Variants in AJAP1 observed in about 807,000 individuals in gnomAD.
AJAP1 encodes adherens junction-associated protein 1.
A neutral mutation model predicts 35.0 loss-of-function variants in AJAP1; 5 were observed. The observed-to-expected ratio is 0.14, with a 90% CI of 0.07 to 0.30. AJAP1 has a LOEUF of 0.30. AJAP1 is among the 10% of genes least tolerant of loss of function. The pLI, the probability that AJAP1 is intolerant of heterozygous loss-of-function variation, is 1.00. For missense variants in AJAP1, 586 were observed against 571.0 expected (o/e 1.03, Z -0.27); for synonymous variants, 284 against 249.3 (o/e 1.14, Z -1.31).
intron 2 of AJAP1, among the ~76,000 whole-genome samples, chr1:4,752,911 C>A (rs192453900): frequency 2.6e-5 from 4 of 152,208 alleles, no homozygotes; most frequent in African/African-American, 9.7e-5. Flanking sequence ...CTGTTTTGCT[C>A]ACACCTCCTC....
Position 4,712,150 on chromosome 1 carries a change from C to A in AJAP1, c.280C>A (p.Gln94Lys), listed in dbSNP as rs1640263921. The A allele has an allele frequency of 1.9e-6, 3 of 1,563,870 alleles. No individual in the cohort carries two copies. The highest frequency in any genetic ancestry group is 2.6e-6 in the Non-Finnish European group (3 of 1,160,972). ...PRVERIHGQM[Q>K]MPRARRAHRP... Reference sequence around the variant, plus strand: ...AGTGGAGCGGATCCACGGGCAGATGCAGATGCCTCGAGCCAGACGGGCCCA... The same window carrying A: ...AGTGGAGCGGATCCACGGGCAGATGAAGATGCCTCGAGCCAGACGGGCCCA... Residue 94 changes from glutamine to lysine, a missense_variant, in exon 2 of 6, where the codon CAG becomes AAG. Gln to Lys is a moderately conservative substitution (Grantham distance 53). Transcript: ENST00000378191.
intron 2 of AJAP1, 54 bp from the exon 3 acceptor site, chr1:4,769,799 C>T (rs369150387): frequency 1.4e-4 from 212 of 1,496,358 alleles, no homozygotes; most frequent in Middle Eastern, 5.1e-4. Context: ...CGGCCCCCCT[C>T]GCCTCCTGAA....
chr1:4,672,986 G>A lies in AJAP1; in HGVS notation c.29+17532G>A, dbSNP rs181426968. ...TTAAAAAGGATCAACACAGCATCATGGCTGGCTTGAAGATGAAGGAGTGCT... is the reference window on the plus strand; with the variant it reads ...TTAAAAAGGATCAACACAGCATCATAGCTGGCTTGAAGATGAAGGAGTGCT... On this transcript the variant is annotated intron_variant, in intron 1 of 5. Coordinates refer to ENST00000378191, the MANE Select transcript of AJAP1 (RefSeq NM_018836.4). Among the ~76,000 whole-genome samples the A allele has an allele frequency of 1.2e-4, 18 of 152,298 alleles. No individual in the cohort carries two copies. In the East Asian group the frequency reaches 3.5e-3, roughly 29 times the overall value.
At chr1:4,724,177 G>T (rs1357629191) in intron 2 of AJAP1, among the ~76,000 whole-genome samples, 1 of 152,208 alleles carries the variant, frequency 6.6e-6, no homozygotes, top group African/African-American at 2.4e-5. Context: ...ACGTGTGGTG[G>T]CCGCGGGCAC....
chr1:4,662,350 T>C (rs986999301), intron 1 of AJAP1, among the ~76,000 whole-genome samples: 1 of 152,212 alleles, frequency 6.6e-6, no homozygotes, highest in African/African-American at 2.4e-5. Flanking sequence ...CATGTGGTCA[T>C]CCTTTTTGTC....
chr1:4,736,236 G>A (rs436132), intron 2 of AJAP1, among the ~76,000 whole-genome samples: 3 of 152,108 alleles, frequency 2.0e-5, no homozygotes, highest in Non-Finnish European at 4.4e-5. Context: ...CTCTGATGTT[G>A]CCCCTCGCCT....
chr1:4,687,462 G>T (rs1462262864), intron 1 of AJAP1, among the ~76,000 whole-genome samples: 5 of 152,234 alleles, frequency 3.3e-5, no homozygotes, highest in Non-Finnish European at 7.3e-5. Context: ...CGGGCAGCCT[G>T]GGGGCAGCCT....
rs139401940 is a variant in AJAP1, at chr1:4,662,604, C to T, written c.29+7150C>T. Among the ~76,000 whole-genome samples, 897 of 152,270 alleles carry T rather than the reference C, an allele frequency of 5.9e-3. 32 individuals carry two copies. The South Asian group carries it at 0.072, about 12-fold the overall frequency. On this transcript the variant is annotated intron_variant, in intron 1 of 5. Transcript: ENST00000378191. ...CTTGCCTCCACGTTATACTTTATAA[C>T]CACAGACGTCAGTGCTCGGTGGGGC...
intron 2 of AJAP1, among the ~76,000 whole-genome samples, chr1:4,742,228 C>A (rs1641084329): frequency 6.6e-6 from 1 of 152,170 alleles, no homozygotes; most frequent in South Asian, 2.1e-4. Context: ...CCCTAGTGAT[C>A]CAAGTCACCC....
At chr1:4,714,726 G>C (rs115000018) in intron 2 of AJAP1, among the ~76,000 whole-genome samples, 268 of 152,316 alleles carry the variant, frequency 1.8e-3, no homozygotes, top group African/African-American at 6.2e-3. Flanking sequence ...GCAGAGAAAT[G>C]TTAATTCTGG....
chr1:4,748,129 C>T (rs1258433511), intron 2 of AJAP1, among the ~76,000 whole-genome samples: 1 of 152,192 alleles, frequency 6.6e-6, no homozygotes, highest in African/African-American at 2.4e-5. Context: ...CCTCACCTGA[C>T]CTTCAGAGCC....
intron 1 of AJAP1, among the ~76,000 whole-genome samples, chr1:4,659,970 G>A (rs7544371): frequency 0.94 from 143,814 of 152,300 alleles, 68,007 homozygotes; most frequent in African/African-American, 0.99. Context: ...CTTAATCTCC[G>A]TGGAATTAAA....
At chr1:4,664,596 T>G (rs971851669) in intron 1 of AJAP1, among the ~76,000 whole-genome samples, 7 of 152,218 alleles carry the variant, frequency 4.6e-5, no homozygotes, top group South Asian at 2.1e-4. Context: ...TGCCGGGGTG[T>G]CATTTTTACA....
intron 2 of AJAP1, among the ~76,000 whole-genome samples, chr1:4,722,449 G>T (rs1260900668): frequency 1.3e-5 from 2 of 152,240 alleles, no homozygotes; most frequent in Non-Finnish European, 2.9e-5. Context: ...TCACCCAGCT[G>T]GAGCCTCGTC....
rs542931391 is a variant in AJAP1, at chr1:4,685,795, C to T, written c.30-26105C>T. 7.9e-5 allele frequency among the ~76,000 whole-genome samples: 12 copies of T among 152,326 alleles called. No individual in the cohort carries two copies. In the South Asian group the frequency reaches 2.5e-3, roughly 32 times the overall value. ...TTCTTAGACATTCTGAAGCCATGGC[C>T]TTTCCTGGGTAGAATCTCCCCTCTG... On this transcript the variant is annotated intron_variant, in intron 1 of 5. Coordinates refer to ENST00000378191, the MANE Select transcript of AJAP1 (RefSeq NM_018836.4).
intron 2 of AJAP1, among the ~76,000 whole-genome samples, chr1:4,743,775 G>T (rs1641124367): frequency 6.6e-6 from 1 of 152,152 alleles, no homozygotes; most frequent in South Asian, 2.1e-4. Flanking sequence ...ATCTATGGGG[G>T]GTCTCGCCGA....
At chr1:4,713,379 GTTC>G (rs1640313016) in intron 2 of AJAP1, among the ~76,000 whole-genome samples, 1 of 152,238 alleles carries the variant, frequency 6.6e-6, no homozygotes, top group African/African-American at 2.4e-5. Context: ...AAGGGCTTTG[GTTC>G]TTCTGCTGCT....
intron 1 of AJAP1, among the ~76,000 whole-genome samples, chr1:4,666,144 G>A (rs896269151): frequency 6.9e-6 from 1 of 145,696 alleles, no homozygotes; most frequent in Non-Finnish European, 1.5e-5. Flanking sequence ...AGGCTCCTCC[G>A]GCCCACCCAG....
intron 2 of AJAP1, among the ~76,000 whole-genome samples, chr1:4,769,274 G>A (rs1641774335): frequency 6.6e-6 from 1 of 152,164 alleles, no homozygotes; most frequent in African/African-American, 2.4e-5. Flanking sequence ...TCTGGAAAGA[G>A]GAAGATTTCA....
Sources: allele counts gnomAD v4.1 joint callset (sites outside exome capture counted in the v4.1 genomes callset), GRCh38; gene constraint gnomAD v4.1.1; transcripts MANE v1.5; gene names NCBI Gene and HGNC (gene_info 2026-07-23, HGNC 2026-07-21).